Variants in CSMD1 observed in about 807,000 individuals in gnomAD.
CSMD1 encodes CUB and sushi domain-containing protein 1.
A neutral mutation model predicts 417.5 loss-of-function variants in CSMD1; 213 were observed. The observed-to-expected ratio is 0.51, with a 90% CI of 0.46 to 0.57. The LOEUF is 0.57. Among genes scored for constraint, CSMD1 ranks in the 20% least tolerant of loss-of-function variants. CSMD1 has a pLI of 0.00. For synonymous variants in CSMD1, 2,862 were observed against 1,736.8 expected (o/e 1.65, Z -16.11); for missense variants, 6,923 against 4,529.7 (o/e 1.53, Z -15.17).
chr8:4,450,088 T>C (rs1397636806), intron 2 of CSMD1, among the ~76,000 whole-genome samples: 1 of 152,192 alleles, frequency 6.6e-6, no homozygotes, highest in Non-Finnish European at 1.5e-5. Flanking sequence ...CCTGTCTCAC[T>C]TCTGCTCAAT....
intron 10 of CSMD1, among the ~76,000 whole-genome samples, chr8:3,532,925 T>A (rs147261320): frequency 6.6e-6 from 1 of 152,192 alleles, no homozygotes; most frequent in Non-Finnish European, 1.5e-5. Flanking sequence ...AACCATGACA[T>A]AGCACATATA....
intron 2 of CSMD1, among the ~76,000 whole-genome samples, chr8:4,431,297 A>C (rs1797859507): frequency 6.6e-5 from 10 of 152,186 alleles, no homozygotes; most frequent in Admixed American, 6.5e-4. Context: ...CATATCTCAC[A>C]AACTGTATTT....
At chr8:4,751,823 T>C (rs1359682341) in intron 1 of CSMD1, among the ~76,000 whole-genome samples, 2 of 152,174 alleles carry the variant, frequency 1.3e-5, no homozygotes, top group African/African-American at 2.4e-5. Context: ...ACATGATGTC[T>C]TCGGTTTCAT....
chr8:4,336,541 C>T (rs764865394), intron 3 of CSMD1, among the ~76,000 whole-genome samples: 38 of 152,122 alleles, frequency 2.5e-4, no homozygotes, highest in Non-Finnish European at 4.4e-4. Context: ...GAATGTCATG[C>T]TGCTTGTTTT....
chr8:3,190,245 A>C, intron 33 of CSMD1, 130 bp from the exon 34 acceptor site: 3 of 604,652 alleles, frequency 5.0e-6, no homozygotes, highest in Non-Finnish European at 2.8e-6. Flanking sequence ...GACTCCAACA[A>C]TCGCTATAGA....
chr8:3,383,823 T>A (rs75569887), intron 18 of CSMD1, among the ~76,000 whole-genome samples: 1,713 of 152,222 alleles, frequency 0.011, 40 homozygotes, highest in Middle Eastern at 0.041. Flanking sequence ...TCAGAACAAC[T>A]GAAATGTCAG....
intron 1 of CSMD1, among the ~76,000 whole-genome samples, chr8:4,805,587 G>A (rs940636057): frequency 6.6e-6 from 1 of 152,172 alleles, no homozygotes; most frequent in African/African-American, 2.4e-5. Flanking sequence ...AGAGGAAGAC[G>A]CTGAGCCAAA....
At chr8:4,139,560 T>C (rs1291511005) in intron 3 of CSMD1, among the ~76,000 whole-genome samples, 4 of 151,114 alleles carry the variant, frequency 2.6e-5, no homozygotes, top group Non-Finnish European at 4.4e-5. Context: ...GATCTGCATA[T>C]AGCTCCCTGA....
intron 3 of CSMD1, among the ~76,000 whole-genome samples, chr8:4,050,306 A>G (rs1798357450): frequency 6.6e-6 from 1 of 152,194 alleles, no homozygotes; most frequent in Non-Finnish European, 1.5e-5. Context: ...AGCAGAACTT[A>G]AGGAATACGA....
chr8:3,847,859 G>A (rs1364172560), intron 5 of CSMD1, among the ~76,000 whole-genome samples: 2 of 152,100 alleles, frequency 1.3e-5, no homozygotes, highest in Admixed American at 6.6e-5. Flanking sequence ...CTCCCATTAT[G>A]CGCTCCCTAT....
At chr8:4,411,188 C>T (rs1400995525) in intron 3 of CSMD1, among the ~76,000 whole-genome samples, 3 of 152,056 alleles carry the variant, frequency 2.0e-5, no homozygotes, top group African/African-American at 7.3e-5. Context: ...AACACAGCAA[C>T]ATAAAATGAA....
intron 10 of CSMD1, among the ~76,000 whole-genome samples, chr8:3,553,124 G>GA (rs750104487): frequency 3.2e-4 from 47 of 146,408 alleles, no homozygotes; most frequent in Non-Finnish European, 2.7e-4. Flanking sequence ...TGGACAAGGA[G>GA]AAAAAAAAAA....
intron 1 of CSMD1, among the ~76,000 whole-genome samples, chr8:4,760,768 G>A (rs1047725249): frequency 4.6e-5 from 7 of 152,040 alleles, no homozygotes; most frequent in African/African-American, 1.4e-4. Flanking sequence ...CTAAGTTTTA[G>A]AACTAAATTT....
chr8:3,235,459 T>C (rs1416254564), intron 26 of CSMD1, among the ~76,000 whole-genome samples: 2 of 152,184 alleles, frequency 1.3e-5, no homozygotes, highest in Admixed American at 6.6e-5. Flanking sequence ...TTCTGGGAGT[T>C]AATAGGATCT....
chr8:4,152,817 G>C (rs781528198), intron 3 of CSMD1, among the ~76,000 whole-genome samples: 18 of 152,146 alleles, frequency 1.2e-4, no homozygotes, highest in African/African-American at 1.7e-4. Context: ...TACACGTATA[G>C]TGAGAGAGTA....
chr8:3,241,302 A>C (rs1381005801), intron 26 of CSMD1, among the ~76,000 whole-genome samples: 10 of 150,944 alleles, frequency 6.6e-5, no homozygotes, highest in Admixed American at 6.0e-4. Context: ...GGCCGTCAAT[A>C]CCCACAACAG....
intron 1 of CSMD1, among the ~76,000 whole-genome samples, chr8:4,721,542 A>C (rs1809050733): frequency 6.6e-6 from 1 of 152,234 alleles, no homozygotes; most frequent in African/African-American, 2.4e-5. Flanking sequence ...TATGGCTATT[A>C]TCAAAACAAT....
chr8:3,959,432 G>C (rs1173642927), intron 5 of CSMD1, among the ~76,000 whole-genome samples: 4 of 152,208 alleles, frequency 2.6e-5, no homozygotes, highest in Non-Finnish European at 5.9e-5. Context: ...CTGGGAGGTG[G>C]AGGTTGCAGT....
chr8:3,833,057 G>T (rs1252629912), intron 5 of CSMD1, among the ~76,000 whole-genome samples: 1 of 152,080 alleles, frequency 6.6e-6, no homozygotes, highest in African/African-American at 2.4e-5. Context: ...CCATTTCATG[G>T]CAGCTGTTTG....
Sources: gnomAD v4.1 joint callset for allele counts (sites outside exome capture counted in the v4.1 genomes callset) on GRCh38, gnomAD v4.1.1 for gene constraint, MANE v1.5 for transcripts, NCBI Gene and HGNC (gene_info 2026-07-23, HGNC 2026-07-21) for gene names.